Variants in DOK6 observed in about 807,000 individuals in gnomAD.
DOK6 encodes the protein downstream of tyrosine kinase 6.
A neutral mutation model predicts 44.0 loss-of-function variants in DOK6; 22 were observed. The observed-to-expected ratio is 0.50, with a 90% CI of 0.36 to 0.71. The LOEUF is 0.71. Among genes scored for constraint, DOK6 ranks in the 30% least tolerant of loss-of-function variants. The pLI is 0.00. For synonymous variants in DOK6, 166 were observed against 145.5 expected (o/e 1.14, Z -1.01); for missense variants, 340 against 416.4 (o/e 0.82, Z 1.60).
intron 3 of DOK6, among the ~76,000 whole-genome samples, chr18:69,637,858 C>A (rs1025721877): frequency 6.6e-6 from 1 of 151,518 alleles, no homozygotes; most frequent in Non-Finnish European, 1.5e-5. Context: ...AGGACCTTGA[C>A]ATTTCGGTTG....
At chr18:69,771,405 C>T (rs561482173) in intron 7 of DOK6, among the ~76,000 whole-genome samples, 1 of 152,078 alleles carries the variant, frequency 6.6e-6, no homozygotes, top group South Asian at 2.1e-4. Context: ...TTTATTTAAC[C>T]ATTGCTCTAT....
chr18:69,691,775 G>A (rs559567993), intron 4 of DOK6, among the ~76,000 whole-genome samples: 1 of 152,280 alleles, frequency 6.6e-6, no homozygotes, highest in Non-Finnish European at 1.5e-5. Context: ...TTGCCTGTGA[G>A]AAGGAGCTCC....
chr18:69,774,917 G>A (rs535453094), intron 7 of DOK6, among the ~76,000 whole-genome samples: 2 of 151,648 alleles, frequency 1.3e-5, no homozygotes, highest in East Asian at 3.9e-4. Context: ...GAAACACGAG[G>A]GTAAAATTGC....
intron 1 of DOK6, among the ~76,000 whole-genome samples, chr18:69,417,435 A>G (rs1334057600): frequency 2.0e-5 from 3 of 152,140 alleles, no homozygotes; most frequent in Admixed American, 2.0e-4. Context: ...CGTTGTGTAT[A>G]TATACCACAT....
rs1230777536 is a variant in DOK6 at position 69,689,344 on chromosome 18, TGAA to T, written c.410-9058_410-9056del. Among the ~76,000 whole-genome samples the T allele has an allele frequency of 2.6e-5, 4 of 152,326 alleles. No homozygotes were observed. The East Asian group carries it at 7.7e-4, about 29-fold the overall frequency. The stretch of plus-strand genomic sequence containing the variant: ...ACAATATAGTTCACTCTTTCAAGAA[TGAA>T]GGACTTATTACAAAAGTTAAAGAAA... On this transcript the variant is annotated intron_variant, in intron 4 of 7. Transcript: ENST00000382713.
chr18:69,536,074 A>ATTAAAG (rs1426396353), intron 1 of DOK6, among the ~76,000 whole-genome samples: 5 of 152,144 alleles, frequency 3.3e-5, no homozygotes, highest in Non-Finnish European at 5.9e-5. Flanking sequence ...ATAATCAGGC[A>ATTAAAG]TTTACCAAGA....
At chr18:69,457,006 C>T (rs1979650629) in intron 1 of DOK6, among the ~76,000 whole-genome samples, 1 of 151,996 alleles carries the variant, frequency 6.6e-6, no homozygotes, top group Non-Finnish European at 1.5e-5. Context: ...TTGATTTTTG[C>T]TTGTTGATTT....
chr18:69,701,171 T>C (rs1986511058), intron 5 of DOK6, among the ~76,000 whole-genome samples: 2 of 152,226 alleles, frequency 1.3e-5, no homozygotes, highest in African/African-American at 4.8e-5. Context: ...GTCACCCTTG[T>C]AATTATAATT....
chr18:69,753,806 T>G (rs1300108300), intron 6 of DOK6, among the ~76,000 whole-genome samples: 2 of 142,478 alleles, frequency 1.4e-5, no homozygotes, highest in African/African-American at 2.5e-5. Flanking sequence ...TTGCAGAATT[T>G]TGTATCGCTG....
At chr18:69,583,159 G>A (rs542877739) in intron 2 of DOK6, among the ~76,000 whole-genome samples, 26 of 152,250 alleles carry the variant, frequency 1.7e-4, no homozygotes, top group Admixed American at 1.4e-3. Flanking sequence ...TTCATTCTAC[G>A]TATTCACCTG....
chr18:69,790,600 G>C (rs956371263), intron 7 of DOK6, among the ~76,000 whole-genome samples: 3 of 152,128 alleles, frequency 2.0e-5, no homozygotes, highest in African/African-American at 7.2e-5. Flanking sequence ...AATATGTGCA[G>C]TAATGCAGGG....
At chr18:69,484,695 G>C (rs997530092) in intron 1 of DOK6, among the ~76,000 whole-genome samples, 18 of 152,014 alleles carry the variant, frequency 1.2e-4, no homozygotes, top group Admixed American at 3.9e-4. Flanking sequence ...CATTAACATT[G>C]AACTCACGGC....
intron 5 of DOK6, among the ~76,000 whole-genome samples, chr18:69,724,396 TAAC>T (rs2144726139): frequency 6.6e-6 from 1 of 152,318 alleles, no homozygotes; most frequent in African/African-American, 2.4e-5. Flanking sequence ...CATGGAGCTT[TAAC>T]AACTAGCAAA....
At chr18:69,415,364 TTC>T (rs138546502) in intron 1 of DOK6, among the ~76,000 whole-genome samples, 29,210 of 151,980 alleles carry the variant, frequency 0.19, 3,817 homozygotes, top group Non-Finnish European at 0.28. Flanking sequence ...TAAGTCTTAA[TTC>T]TCTCATGAAA....
rs145286827 is a variant in DOK6 at position 69,611,899 on chromosome 18, T to C, written c.289+12401T>C. On this transcript the variant is annotated intron_variant, in intron 3 of 7. Coordinates refer to ENST00000382713, the MANE Select transcript of DOK6 (RefSeq NM_152721.6). ...TTGTATTGGAACTGTGCAGCATTGA[T>C]TGTGGTGGTGCGTACACAAACCTCC... 7.8e-4 allele frequency among the ~76,000 whole-genome samples: 119 copies of C among 151,982 alleles called. 1 individual carries two copies. The East Asian group carries it at 0.02, about 25-fold the overall frequency.
intron 1 of DOK6, among the ~76,000 whole-genome samples, chr18:69,500,900 T>C (rs966126271): frequency 6.6e-6 from 1 of 152,228 alleles, no homozygotes; most frequent in Admixed American, 6.5e-5. Flanking sequence ...GCTAATGTGA[T>C]TTATAAACAC....
intron 5 of DOK6, chr18:69,725,040 A>ACATGATT (rs1978299164): frequency 6.6e-6 from 1 of 152,258 alleles, no homozygotes; most frequent in Non-Finnish European, 1.5e-5. Context: ...TCAGTTATGT[A>ACATGATT]CATGATTCAT....
chr18:69,730,790 T>G (rs186830772), intron 5 of DOK6, among the ~76,000 whole-genome samples: 42 of 152,256 alleles, frequency 2.8e-4, no homozygotes, highest in Admixed American at 2.4e-3. Context: ...AAATTTTAAT[T>G]TCTGTTTCAA....
At position 69,559,058 on chromosome 18, in the gene DOK6, A is replaced by G. The variant is rs76156585; in HGVS notation, c.67-5429A>G. ...CATAGAATCTTTAAAAATCAGTCTT[A>G]TCTCTGTGTGATTGCCTTTCTTAAT... is the stretch of plus-strand genomic sequence containing the variant. On this transcript the variant is annotated intron_variant, in intron 1 of 7. Coordinates refer to ENST00000382713, the MANE Select transcript of DOK6 (RefSeq NM_152721.6). 6.5e-3 allele frequency among the ~76,000 whole-genome samples: 994 copies of G among 152,240 alleles called. 5 individuals carry two copies. Among genetic ancestry groups the G allele is most frequent in the Non-Finnish European group, 0.011 (753 of 67,990 alleles).
Sources: allele counts gnomAD v4.1 joint callset (sites outside exome capture counted in the v4.1 genomes callset), GRCh38; gene constraint gnomAD v4.1.1; transcripts MANE v1.5; gene names NCBI Gene and HGNC (gene_info 2026-07-23, HGNC 2026-07-21).